The following KIAA1328 variants were observed in gnomAD, a reference collection of about 807,000 sequenced individuals.
KIAA1328 encodes protein hinderin.
A neutral mutation model predicts 68.1 loss-of-function variants in KIAA1328; 52 were observed. The ratio of observed to expected loss-of-function variants is 0.76; its 90% CI spans 0.61 to 0.96. KIAA1328 has a LOEUF of 0.96. KIAA1328 is among the 40% of genes least tolerant of loss of function. KIAA1328 has a pLI of 0.00. For missense variants in KIAA1328, 641 were observed against 677.6 expected (o/e 0.95, Z 0.60); for synonymous variants, 232 against 239.4 (o/e 0.97, Z 0.28).
intron 8 of KIAA1328, among the ~76,000 whole-genome samples, chr18:37,163,135 CG>C (rs1464701489): frequency 2.0e-5 from 3 of 152,106 alleles, no homozygotes; most frequent in Non-Finnish European, 4.4e-5. Context: ...AGCCTCAAAA[CG>C]TTTTCCACCA....
chr18:37,083,531 A>C (rs999108033), intron 7 of KIAA1328, among the ~76,000 whole-genome samples: 5 of 152,196 alleles, frequency 3.3e-5, no homozygotes, highest in Non-Finnish European at 7.3e-5. Context: ...CCCGGTAGAA[A>C]ACCTTTTGGC....
chr18:36,912,214 T>G lies in KIAA1328; in HGVS notation c.448+26542T>G, dbSNP rs1032030536. 2.0e-5 allele frequency among the ~76,000 whole-genome samples: 3 copies of G among 152,136 alleles called. No homozygotes were observed. The East Asian group carries it at 5.8e-4, about 29-fold the overall frequency. ...ACAAAAGAAATTCTTATCTTACAGT[T>G]CTGGAGGTCAGAAATCCAAAATCAA... is the stretch of plus-strand genomic sequence containing the variant. On this transcript the variant is annotated intron_variant, in intron 5 of 9. Coordinates refer to ENST00000280020, the MANE Select transcript of KIAA1328 (RefSeq NM_020776.3).
At chr18:36,870,133 AT>A (rs1403607232) in intron 4 of KIAA1328, among the ~76,000 whole-genome samples, 17 of 152,308 alleles carry the variant, frequency 1.1e-4, no homozygotes, top group African/African-American at 4.1e-4. Flanking sequence ...AAGTGCTGGA[AT>A]TACAGGTGTG....
At chr18:37,115,360 A>G (rs1047484184) in intron 7 of KIAA1328, among the ~76,000 whole-genome samples, 1 of 152,348 alleles carries the variant, frequency 6.6e-6, no homozygotes, top group African/African-American at 2.4e-5. Context: ...CTGGTTGAAC[A>G]TACACAAATC....
At chr18:37,056,647 C>G (rs765743718) in intron 6 of KIAA1328, among the ~76,000 whole-genome samples, 1 of 152,040 alleles carries the variant, frequency 6.6e-6, no homozygotes, top group South Asian at 2.1e-4. Context: ...TAGTATAAGA[C>G]AAATCCTTTT....
chr18:37,051,202 G>A (rs924581701), intron 6 of KIAA1328, among the ~76,000 whole-genome samples: 31 of 147,430 alleles, frequency 2.1e-4, no homozygotes, highest in African/African-American at 6.5e-4. Flanking sequence ...AGAAATAACA[G>A]ATTAGAGCAG....
intron 7 of KIAA1328, among the ~76,000 whole-genome samples, chr18:37,124,185 C>G (rs530663046): frequency 2.2e-4 from 33 of 152,248 alleles, no homozygotes; most frequent in Non-Finnish European, 3.7e-4. Flanking sequence ...ATGCAGAATA[C>G]TGGTGGACAA....
At chr18:36,888,213 C>A (rs1486526346) in intron 5 of KIAA1328, among the ~76,000 whole-genome samples, 9 of 152,084 alleles carry the variant, frequency 5.9e-5, no homozygotes, top group Admixed American at 2.6e-4. Flanking sequence ...CAGTAGTGTG[C>A]CAGCTAATTC....
At chr18:36,959,678 G>A (rs2051577791) in intron 6 of KIAA1328, among the ~76,000 whole-genome samples, 1 of 152,168 alleles carries the variant, frequency 6.6e-6, no homozygotes, top group Admixed American at 6.5e-5. Context: ...GCTTCTGGTT[G>A]TATGAAAGCA....
intron 3 of KIAA1328, among the ~76,000 whole-genome samples, chr18:36,836,893 G>T (rs1248842553): frequency 2.0e-5 from 3 of 152,002 alleles, no homozygotes; most frequent in Non-Finnish European, 4.4e-5. Flanking sequence ...ATAATATGTG[G>T]CCTTTTGTGA....
At chr18:36,905,178 C>G (rs1172232345) in intron 5 of KIAA1328, among the ~76,000 whole-genome samples, 1 of 151,698 alleles carries the variant, frequency 6.6e-6, no homozygotes, top group Non-Finnish European at 1.5e-5. Context: ...GTGGCATGAT[C>G]TTGGCTCACT....
chr18:36,956,653 T>G (rs560246773), intron 5 of KIAA1328, among the ~76,000 whole-genome samples: 112 of 152,242 alleles, frequency 7.4e-4, no homozygotes, highest in Non-Finnish European at 1.2e-3. Flanking sequence ...TTTAAATGAA[T>G]TTGCCTATAA....
At position 36,974,915 on chromosome 18, in the gene KIAA1328, A is replaced by G. The variant is rs2052398679; in HGVS notation, c.576+15480A>G. On this transcript the variant is annotated intron_variant, in intron 6 of 9. Transcript: ENST00000280020. ...TCTAGTACTAAACAGATTGTCTCAG[A>G]CAAAGTATGAGTGAATTTTTGCTCT... 2.0e-5 allele frequency among the ~76,000 whole-genome samples: 3 copies of G among 152,302 alleles called. 1 individual carries two copies. In the South Asian group the frequency reaches 6.2e-4, roughly 32 times the overall value.
intron 6 of KIAA1328, among the ~76,000 whole-genome samples, chr18:36,970,471 G>A (rs1568232615): frequency 6.6e-6 from 1 of 152,024 alleles, no homozygotes; most frequent in Non-Finnish European, 1.5e-5. Flanking sequence ...TCGGGGAAGA[G>A]AAAGAAATAA....
At chr18:36,898,733 C>A (rs1263635983) in intron 5 of KIAA1328, among the ~76,000 whole-genome samples, 1 of 151,956 alleles carries the variant, frequency 6.6e-6, no homozygotes, top group African/African-American at 2.4e-5. Context: ...ATTTGCAATT[C>A]TAGTCAGCAG....
chr18:36,894,725 A>T (rs192299677), intron 5 of KIAA1328, among the ~76,000 whole-genome samples: 58 of 152,108 alleles, frequency 3.8e-4, no homozygotes, highest in Admixed American at 1.6e-3. Context: ...GGGTCTCCCT[A>T]TGTTGCTCAG....
intron 6 of KIAA1328, among the ~76,000 whole-genome samples, chr18:37,057,189 C>T: frequency 6.6e-6 from 1 of 152,046 alleles, no homozygotes. Flanking sequence ...TGAGCATATT[C>T]ATAGAATTAT....
chr18:36,832,405 T>C (rs1426600877), intron 1 of KIAA1328, among the ~76,000 whole-genome samples: 1 of 151,776 alleles, frequency 6.6e-6, no homozygotes, highest in Admixed American at 6.6e-5. Context: ...GCCAACATGA[T>C]GAAACGGCCG....
intron 6 of KIAA1328, among the ~76,000 whole-genome samples, chr18:37,015,915 T>A (rs186745134): frequency 1.8e-4 from 28 of 152,338 alleles, no homozygotes; most frequent in Admixed American, 3.9e-4. Flanking sequence ...GTCTTTAGGG[T>A]TTCCTGGATA....
Sources: gnomAD v4.1 joint callset for allele counts (sites outside exome capture counted in the v4.1 genomes callset) on GRCh38, gnomAD v4.1.1 for gene constraint, MANE v1.5 for transcripts, NCBI Gene and HGNC (gene_info 2026-07-23, HGNC 2026-07-21) for gene names.